Variants in TAOK1 observed in about 807,000 individuals in gnomAD.
TAOK1 encodes the protein serine/threonine-protein kinase TAO1.
A neutral mutation model predicts 138.3 loss-of-function variants in TAOK1; 21 were observed. The ratio of observed to expected loss-of-function variants is 0.15; its 90% confidence interval spans 0.11 to 0.22. TAOK1 has a LOEUF of 0.22. TAOK1 is among the 10% of genes least tolerant of loss of function. The pLI is 1.00. For missense variants in TAOK1, 651 were observed against 1,227.7 expected, an observed-to-expected ratio of 0.53 and a Z score of 7.02; for synonymous variants, 361 against 398.4, an observed-to-expected ratio of 0.91 and a Z score of 1.12.
intron 1 of TAOK1, among the ~76,000 whole-genome samples, chr17:29,407,570 C>G (rs1905028723): frequency 6.6e-6 from 1 of 151,982 alleles, no homozygotes; most frequent in Non-Finnish European, 1.5e-5. Flanking sequence ...CCTCAGCCTC[C>G]CTAGTACCTG....
At chr17:29,495,515 A>T (rs1320261968) in intron 10 of TAOK1, 45 bp from the exon 11 acceptor site, 1 of 1,511,176 alleles carries the variant, frequency 6.6e-7, no homozygotes. Flanking sequence ...GTACCTTGTC[A>T]CTAATTGAAA....
At position 29,394,149 on chromosome 17, in the gene TAOK1, A is replaced by AGTTTT. The variant is rs761843327; in HGVS notation, c.-95+3126_-95+3130dup. On this transcript the variant is annotated intron_variant, in intron 1 of 19. Coordinates refer to ENST00000261716, the MANE Select transcript of TAOK1 (RefSeq NM_020791.4). ...GTATGATTTATTTTAATAATTTGCC[A>AGTTTT]GTTTTTTTTTTTTTTTTTTTTTTTT... Among the ~76,000 whole-genome samples, 13 of 56,392 alleles carry AGTTTT rather than the reference A, an allele frequency of 2.3e-4. 1 individual carries two copies. Among genetic ancestry groups the AGTTTT allele is most frequent in the Non-Finnish European group, 4.9e-4 (12 of 24,728 alleles). The allele number at this position is 56,392 out of a possible 152,430, so 37.0% of individuals were successfully genotyped here.
intron 10 of TAOK1, among the ~76,000 whole-genome samples, chr17:29,492,574 C>T (rs1024130408): frequency 4.6e-5 from 7 of 151,846 alleles, no homozygotes; most frequent in Admixed American, 3.3e-4. Flanking sequence ...AGGCCGATCG[C>T]GAAGTCAGGA....
chr17:29,535,731 A>G (rs924093152), intron 19 of TAOK1, among the ~76,000 whole-genome samples: 3 of 152,038 alleles, frequency 2.0e-5, no homozygotes, highest in African/African-American at 2.4e-5. Context: ...TCAGACACCT[A>G]TAGTCCCAGC....
chr17:29,537,525 G>A (rs548636772), intron 19 of TAOK1, among the ~76,000 whole-genome samples: 1 of 124,068 alleles, frequency 8.1e-6, no homozygotes, highest in African/African-American at 3.1e-5. Flanking sequence ...TTTTTTTTTT[G>A]GAGGGGGCAA....
At position 29,451,595 on chromosome 17, in the gene TAOK1, C is replaced by T. The variant is rs991094465; in HGVS notation, c.47C>T (p.Ala16Val). 1 of 1,613,874 alleles carries T rather than the reference C, an allele frequency of 6.2e-7. No homozygotes were observed. Among genetic ancestry groups the T allele is most frequent in the Non-Finnish European group, 8.5e-7 (1 of 1,179,910 alleles). ...GGCAGCCTGAAGGACCCTGAAATTG[C>T]AGAGCTCTTCTTCAAAGAAGATCCA... is the stretch of plus-strand genomic sequence containing the variant. The part of the protein sequence containing the change: ...RAGSLKDPEI[A>V]ELFFKEDPEK... Residue 16 changes from alanine (A) to valine (V), a missense_variant, in exon 2 of 20, where the codon GCA becomes GTA. Ala to Val is a moderately conservative substitution (Grantham distance 64). Coordinates refer to ENST00000261716, the MANE Select transcript of TAOK1 (RefSeq NM_020791.4).
At chr17:29,406,846 G>T (rs2153020578) in intron 1 of TAOK1, among the ~76,000 whole-genome samples, 1 of 152,280 alleles carries the variant, frequency 6.6e-6, no homozygotes, top group East Asian at 1.9e-4. Context: ...GGCATTACAG[G>T]TGTGAGCTAC....
At chr17:29,541,402 G>A (rs920856393) in intron 19 of TAOK1, among the ~76,000 whole-genome samples, 11 of 151,826 alleles carry the variant, frequency 7.2e-5, no homozygotes, top group East Asian at 1.9e-4. Flanking sequence ...GATCCACCGC[G>A]CCCGGCCTAG....
chr17:29,392,015 G>A (rs1904448560), intron 1 of TAOK1, among the ~76,000 whole-genome samples: 1 of 152,172 alleles, frequency 6.6e-6, no homozygotes, highest in African/African-American at 2.4e-5. Flanking sequence ...AGGAGATCGA[G>A]ACCATCCTGG....
intron 15 of TAOK1, among the ~76,000 whole-genome samples, chr17:29,516,182 C>A (rs995906280): frequency 6.6e-6 from 1 of 151,736 alleles, no homozygotes; most frequent in Admixed American, 6.6e-5. Context: ...GCTGGTCTTG[C>A]GCTCCCAACC....
chr17:29,495,782 T>A (rs1453497081), intron 11 of TAOK1, 55 bp downstream of exon 11: 2 of 1,385,902 alleles, frequency 1.4e-6, no homozygotes, highest in East Asian at 5.1e-5. Flanking sequence ...GTTTCTTTCC[T>A]TATGCAGCTT....
rs1300571164 is a variant in TAOK1 at position 29,502,333 on chromosome 17, G to GGT, written c.1204-255_1204-254dup. Among the ~76,000 whole-genome samples the GGT allele has an allele frequency of 5.9e-5, 9 of 152,314 alleles. No individual in the cohort carries two copies. The East Asian group carries it at 1.5e-3, about 26-fold the overall frequency. ...TAGTTCCAGCTTCTCAGGAGTCTGA[G>GGT]GTAGGCAGATCGTTTGAGCTTGGGA... On this transcript the variant is annotated intron_variant, in intron 12 of 19. Coordinates refer to ENST00000261716, the MANE Select transcript of TAOK1 (RefSeq NM_020791.4).
At chr17:29,400,384 C>G (rs1178858917) in intron 1 of TAOK1, among the ~76,000 whole-genome samples, 1 of 141,372 alleles carries the variant, frequency 7.1e-6, no homozygotes, top group Non-Finnish European at 1.5e-5. Context: ...GAGCAAAACT[C>G]CGTCTCAAAA....
intron 1 of TAOK1, among the ~76,000 whole-genome samples, chr17:29,408,960 G>A (rs1248556737): frequency 2.0e-5 from 3 of 151,966 alleles, no homozygotes; most frequent in South Asian, 2.1e-4. Context: ...CAGTCCACCC[G>A]CCTCAGCCTC....
chr17:29,509,317 A>T (rs2031678409), intron 14 of TAOK1, among the ~76,000 whole-genome samples: 1 of 151,848 alleles, frequency 6.6e-6, no homozygotes, highest in Admixed American at 6.6e-5. Flanking sequence ...CTACAGGTGC[A>T]TCTACCATGC....
At chr17:29,409,901 G>C (rs11654359) in intron 1 of TAOK1, among the ~76,000 whole-genome samples, 22,980 of 152,144 alleles carry the variant, frequency 0.15, 2,028 homozygotes, top group Middle Eastern at 0.22. Flanking sequence ...TATTTGCTCA[G>C]TGAGGTTTAA....
rs2031392595 is a variant in TAOK1, at chr17:29,495,432, T to G, written c.832-128T>G. 4 of 664,996 alleles carry G rather than the reference T, an allele frequency of 6.0e-6. No homozygotes were observed. In the Admixed American group the frequency reaches 1.4e-4, roughly 23 times the overall value. The allele number at this position is 664,996 out of a possible 1,614,324, so 41.2% of individuals were successfully genotyped here. On this transcript the variant is annotated intron_variant, in intron 10 of 19. Coordinates refer to ENST00000261716, the MANE Select transcript of TAOK1 (RefSeq NM_020791.4). ...TGATAATTTTATAAATAGAAGAAAT[T>G]TAACAGAATTATATAGCTATAGATT...
At chr17:29,426,592 T>G (rs1341996290) in intron 1 of TAOK1, among the ~76,000 whole-genome samples, 1 of 152,178 alleles carries the variant, frequency 6.6e-6, no homozygotes, top group Admixed American at 6.5e-5. Context: ...GAGTGAGGAC[T>G]GAAATTCGGT....
chr17:29,460,360 T>A (rs1370164630), intron 2 of TAOK1, among the ~76,000 whole-genome samples: 1 of 152,098 alleles, frequency 6.6e-6, no homozygotes, highest in Non-Finnish European at 1.5e-5. Context: ...CCTGGCTAAT[T>A]TTTGTATTTT....
Sources: allele counts gnomAD v4.1 joint callset (sites outside exome capture counted in the v4.1 genomes callset), GRCh38; gene constraint gnomAD v4.1.1; transcripts MANE v1.5; gene names NCBI Gene and HGNC (gene_info 2026-07-23, HGNC 2026-07-21).